SMCO4: variants seen among roughly 807,000 people sequenced by gnomAD.
SMCO4 encodes the protein single-pass membrane protein with coiled-coil domains 4, also known as single-pass membrane and coiled-coil domain-containing protein 4.
Under a neutral mutation model 3.6 loss-of-function variants are expected in SMCO4, and 4 were observed. The observed-to-expected ratio is 1.11, with a 90% CI of 0.54 to 2.53. The LOEUF is 2.53. Among genes scored for constraint, SMCO4 ranks in the 30% most tolerant of loss-of-function variants. The pLI is 0.02. For synonymous variants in SMCO4, 36 were observed against 35.3 expected, an observed-to-expected ratio of 1.02 and a Z score of -0.07; for missense variants, 70 against 80.8, an observed-to-expected ratio of 0.87 and a Z score of 0.51.
At position 93,478,993 on chromosome 11, in the gene SMCO4, G is replaced by A. The variant is rs745996330; in HGVS notation, c.*17C>T. 2.1e-5 allele frequency: 33 copies of A among 1,589,624 alleles called. No individual in the cohort carries two copies. Among genetic ancestry groups the A allele is most frequent in the Middle Eastern group, 1.7e-4 (1 of 6,026 alleles). ...CCTCCTCTCCCTGCCGATGGGGTCC[G>A]CAGCCGGCTGCGGGGCTCACTCGGT... is the stretch of plus-strand genomic sequence containing the variant. On this transcript the variant is annotated 3_prime_UTR_variant, in exon 3 of 3. Transcript: ENST00000298966.
At chr11:93,532,223 T>A (rs1391036295) in intron 1 of SMCO4, among the ~76,000 whole-genome samples, 1 of 152,180 alleles carries the variant, frequency 6.6e-6, no homozygotes, top group Non-Finnish European at 1.5e-5. Flanking sequence ...AGTGTCCTTA[T>A]AAGAAAACAG....
rs893001312 is a variant in SMCO4 at position 93,479,051 on chromosome 11, C to T, written c.139G>A (p.Val47Met). ...TLAVVVLLIV[V>M]FVYVATRPTI... ...GGGCGCGTGGCCACGTACACAAACA[C>T]CACGATCAAGAGCACGACCACGGCC... Residue 47 changes from valine (V) to methionine (M), a missense_variant, in exon 3 of 3, where the codon GTG (valine) becomes ATG (methionine). Val to Met is a conservative substitution (Grantham distance 21, BLOSUM62 1). Coordinates refer to ENST00000298966, the MANE Select transcript of SMCO4 (RefSeq NM_020179.3). 1.2e-6 allele frequency: 2 copies of T among 1,613,402 alleles called. No homozygotes were observed. Among genetic ancestry groups the T allele is most frequent in the Non-Finnish European group, 1.7e-6 (2 of 1,179,916 alleles).
At chr11:93,535,665 G>C (rs1949216508) in intron 1 of SMCO4, 1 of 1,609,464 alleles carries the variant, frequency 6.2e-7, no homozygotes, top group Admixed American at 1.7e-5. Flanking sequence ...GGAAAAAGAA[G>C]ATCAGCACAG....
upstream of SMCO4, among the ~76,000 whole-genome samples, chr11:93,544,279 G>A (rs542644463): frequency 8.5e-5 from 13 of 152,300 alleles, no homozygotes; most frequent in East Asian, 2.5e-3. Flanking sequence ...TGATGCAGTA[G>A]GTGATTTTAA....
chr11:93,535,067 C>G (rs918102317), intron 1 of SMCO4, among the ~76,000 whole-genome samples: 1 of 152,210 alleles, frequency 6.6e-6, no homozygotes, highest in African/African-American at 2.4e-5. Context: ...CTTCCCAGTG[C>G]CCCTCCCCAG....
At chr11:93,548,718 G>T in the SMCO4 span, among the ~76,000 whole-genome samples, 1 of 152,152 alleles carries the variant, frequency 6.6e-6, no homozygotes, top group Admixed American at 6.5e-5. Context: ...TTTGAACAAA[G>T]AACTGGAGAA....
At position 93,513,947 on chromosome 11, in the gene SMCO4, G is replaced by C. The variant is rs539817782; in HGVS notation, c.-153-14599C>G. ...ATAAAGCACTAATCACATTTAATTA[G>C]AGTCCATTTGCCCATCTGTTTCCTC... On this transcript the variant is annotated intron_variant, in intron 1 of 2. Coordinates refer to ENST00000298966, the MANE Select transcript of SMCO4 (RefSeq NM_020179.3). Among the ~76,000 whole-genome samples the C allele has an allele frequency of 2.0e-5, 3 of 152,248 alleles. No individual in the cohort carries two copies. In the South Asian group the frequency reaches 6.2e-4, roughly 32 times the overall value.
intron 1 of SMCO4, among the ~76,000 whole-genome samples, chr11:93,532,169 TCA>T (rs35032716): frequency 0.34 from 51,264 of 151,968 alleles, 8,774 homozygotes; most frequent in South Asian, 0.37. Flanking sequence ...TATTCAGAGT[TCA>T]CACAGTCATA....
intron 1 of SMCO4, among the ~76,000 whole-genome samples, chr11:93,520,074 C>G (rs1239667705): frequency 6.6e-6 from 1 of 152,212 alleles, no homozygotes; most frequent in Non-Finnish European, 1.5e-5. Context: ...GACTCAAACC[C>G]TTGCAGCCCG....
At chr11:93,491,804 C>T (rs964013555) in intron 2 of SMCO4, among the ~76,000 whole-genome samples, 1 of 152,178 alleles carries the variant, frequency 6.6e-6, no homozygotes, top group African/African-American at 2.4e-5. Flanking sequence ...GCTAGAGAAA[C>T]ACAACTTCGC....
At chr11:93,486,720 G>C (rs2605600) in intron 2 of SMCO4, among the ~76,000 whole-genome samples, 150,952 of 152,276 alleles carry the variant, frequency 0.99, 74,830 homozygotes, top group East Asian at 1. Flanking sequence ...CTGCCGAGAA[G>C]AGCTTGACCA....
intron 2 of SMCO4, among the ~76,000 whole-genome samples, chr11:93,488,299 G>A (rs1948673805): frequency 6.6e-6 from 1 of 152,192 alleles, no homozygotes; most frequent in African/African-American, 2.4e-5. Context: ...AGAGCTGAGG[G>A]GTCACAGAGG....
chr11:93,525,356 C>G (rs761581626), intron 1 of SMCO4, among the ~76,000 whole-genome samples: 3 of 152,176 alleles, frequency 2.0e-5, no homozygotes, highest in Non-Finnish European at 2.9e-5. Context: ...ATGAGATAAT[C>G]TGCATAAAAG....
At chr11:93,542,691 C>G (rs1367101169) in intron 1 of SMCO4, among the ~76,000 whole-genome samples, 4 of 152,176 alleles carry the variant, frequency 2.6e-5, no homozygotes, top group Non-Finnish European at 5.9e-5. Flanking sequence ...GGGTCGGTCC[C>G]GAAAGAACGG....
rs558290288 is a variant in SMCO4 at position 93,534,053 on chromosome 11, T to G, written c.-154+9223A>C. 1.3e-4 allele frequency among the ~76,000 whole-genome samples: 20 copies of G among 151,696 alleles called. No homozygotes were observed. In the South Asian group the frequency reaches 3.7e-3, roughly 28 times the overall value. ...TAAAAATACAAAAATTAGCCAGGCGTGGTGGCGCACACCTGTAATTCCAGC... is the reference window on the plus strand; with the variant it reads ...TAAAAATACAAAAATTAGCCAGGCGGGGTGGCGCACACCTGTAATTCCAGC... On this transcript the variant is annotated intron_variant, in intron 1 of 2. Coordinates refer to ENST00000298966, the MANE Select transcript of SMCO4 (RefSeq NM_020179.3).
At chr11:93,538,672 T>A (rs987125385) in intron 1 of SMCO4, among the ~76,000 whole-genome samples, 1 of 152,112 alleles carries the variant, frequency 6.6e-6, no homozygotes, top group African/African-American at 2.4e-5. Flanking sequence ...ATAGTCAGCA[T>A]CTCCAACACC....
At chr11:93,534,375 T>TATATATAGAGAGAGAG (rs369643237) in intron 1 of SMCO4, among the ~76,000 whole-genome samples, 64 of 142,140 alleles carry the variant, frequency 4.5e-4, no homozygotes, top group African/African-American at 8.9e-4. Flanking sequence ...TATATATATA[T>TATATATAGAGAGAGAG]AGAGAGAGAG....
chr11:93,535,504 G>C lies in SMCO4; in HGVS notation c.-154+7772C>G, dbSNP rs908834452. 1.3e-5 allele frequency: 18 copies of C among 1,392,586 alleles called. No homozygotes were observed. In the African/African-American group the frequency reaches 1.7e-4, roughly 13 times the overall value. The allele number at this position is 1,392,586 out of a possible 1,614,324, so 86.3% of individuals were successfully genotyped here. Reference sequence around the variant, plus strand: ...TGGAGAGCGAGCAGCTCCTGACGGAGCTGACCAGACTTTTCCAGAAGTGCT... The same window carrying C: ...TGGAGAGCGAGCAGCTCCTGACGGACCTGACCAGACTTTTCCAGAAGTGCT... On this transcript the variant is annotated intron_variant, in intron 1 of 2. Coordinates refer to ENST00000298966, the MANE Select transcript of SMCO4 (RefSeq NM_020179.3).
chr11:93,504,266 C>A (rs569616549), intron 1 of SMCO4, among the ~76,000 whole-genome samples: 1 of 152,208 alleles, frequency 6.6e-6, no homozygotes, highest in Non-Finnish European at 1.5e-5. Flanking sequence ...ATTTAGCAAC[C>A]TGGATACATG....
Sources: allele counts gnomAD v4.1 joint callset (sites outside exome capture counted in the v4.1 genomes callset), GRCh38; gene constraint gnomAD v4.1.1; transcripts MANE v1.5; gene names NCBI Gene and HGNC (gene_info 2026-07-23, HGNC 2026-07-21).